The following DGKH variants were observed in gnomAD, a reference collection of about 807,000 sequenced individuals.
The protein encoded by DGKH is DAG kinase eta.
A neutral mutation model predicts 159.3 loss-of-function variants in DGKH; 90 were observed. That is an observed-to-expected ratio of 0.57 (90% CI 0.48 to 0.67). DGKH has a LOEUF of 0.67. DGKH is among the 30% of genes least tolerant of loss of function. The pLI is 0.00. For synonymous variants in DGKH, 536 were observed against 553.8 expected (o/e 0.97, Z 0.45); for missense variants, 1,181 against 1,506.1 (o/e 0.78, Z 3.57).
At chr13:42,074,515 T>G (rs1328791819) in intron 1 of DGKH, among the ~76,000 whole-genome samples, 1 of 152,190 alleles carries the variant, frequency 6.6e-6, no homozygotes, top group African/African-American at 2.4e-5. Context: ...TAAGATATGA[T>G]TTGAAAGAAT....
intron 11 of DGKH, among the ~76,000 whole-genome samples, chr13:42,170,892 A>G (rs997104017): frequency 2.0e-5 from 3 of 151,732 alleles, no homozygotes; most frequent in African/African-American, 7.2e-5. Context: ...GCAGTGAGCC[A>G]AGATCATGCC....
chr13:42,159,242 C>CTGTTTT, intron 5 of DGKH, 24 bp from the exon 6 acceptor site: 1 of 159,044 alleles, frequency 6.3e-6, no homozygotes, highest in Non-Finnish European at 1.0e-5. Context: ...AAAGCAGTTG[C>CTGTTTT]TCTTTTTTTT....
intron 3 of DGKH, among the ~76,000 whole-genome samples, chr13:42,149,863 T>C (rs1016911154): frequency 1.3e-5 from 2 of 152,310 alleles, no homozygotes; most frequent in Non-Finnish European, 2.9e-5. Context: ...ACCAGAAAAC[T>C]CTTATTTTTC....
chr13:42,069,572 C>G (rs866660575), intron 1 of DGKH: 3 of 1,586,860 alleles, frequency 1.9e-6, no homozygotes, highest in South Asian at 1.1e-5. Context: ...GATGCTTCCT[C>G]TAGCGCTATC....
chr13:42,175,859 T>C (rs1956589228), intron 12 of DGKH, among the ~76,000 whole-genome samples: 2 of 152,224 alleles, frequency 1.3e-5, no homozygotes, highest in African/African-American at 4.8e-5. Context: ...GTAGACTAAA[T>C]CTTTCTTCTT....
At chr13:42,227,785 C>T (rs1213547069) in intron 29 of DGKH, among the ~76,000 whole-genome samples, 1 of 152,154 alleles carries the variant, frequency 6.6e-6, no homozygotes, top group Non-Finnish European at 1.5e-5. Context: ...TGCTAAAGAA[C>T]TCCAAGAGCT....
chr13:42,210,195 C>G (rs368573480), intron 23 of DGKH, among the ~76,000 whole-genome samples: 1 of 151,748 alleles, frequency 6.6e-6, no homozygotes, highest in African/African-American at 2.4e-5. Flanking sequence ...TGTTTTGAAA[C>G]AGTCCTGCTT....
chr13:42,125,474 T>A (rs1955151740), intron 1 of DGKH, among the ~76,000 whole-genome samples: 1 of 152,188 alleles, frequency 6.6e-6, no homozygotes, highest in South Asian at 2.1e-4. Context: ...GAGACAAAAC[T>A]GAGGCATAGA....
intron 3 of DGKH, among the ~76,000 whole-genome samples, chr13:42,144,888 T>G (rs1250366017): frequency 6.6e-6 from 1 of 152,174 alleles, no homozygotes. Context: ...TAGGATTTAG[T>G]CTAGCCTGGC....
chr13:42,221,058 GTTTTGTATAGTCGGATCC>G (rs1957957528), intron 28 of DGKH, 188 bp from the exon 29 acceptor site: 1 of 564,416 alleles, frequency 1.8e-6, no homozygotes, highest in Non-Finnish European at 2.9e-6. Flanking sequence ...GCAGCAAATG[GTTTTGTATAGTCGGATCC>G]TTGTGTTGAT....
At chr13:42,058,950 T>C (rs1039160231) in intron 1 of DGKH, among the ~76,000 whole-genome samples, 3 of 152,186 alleles carry the variant, frequency 2.0e-5, no homozygotes, top group African/African-American at 4.8e-5. Flanking sequence ...AGCTTTATTG[T>C]GTTAAGTCCC....
intron 17 of DGKH, among the ~76,000 whole-genome samples, chr13:42,196,407 C>T (rs551949641): frequency 6.6e-6 from 1 of 152,154 alleles, no homozygotes; most frequent in Non-Finnish European, 1.5e-5. Context: ...AAACATCCAT[C>T]AGTTGAATGG....
chr13:42,238,004 T>C lies in DGKH; in HGVS notation c.*8816T>C, dbSNP rs1958451863. 1 of 152,202 alleles carries C rather than the reference T, an allele frequency of 6.6e-6. No homozygotes were observed. The highest frequency in any genetic ancestry group is 1.5e-5 in the Non-Finnish European group (1 of 68,022). 9.4% of individuals were successfully genotyped at this position (152,202 alleles called of 1,614,324 possible). A position where few individuals can be genotyped will look rare whatever the true frequency, so the allele number is the denominator to read the frequency against. ...TTCACAATACCTAGAGATGGGAACA[T>C]GGTTTAGGTTTATCCAGTTCTGTAA... On this transcript the variant is annotated 3_prime_UTR_variant, in exon 30 of 30. Coordinates refer to ENST00000337343, the MANE Select transcript of DGKH (RefSeq NM_178009.5).
chr13:42,195,111 AT>A, intron 17 of DGKH, 95 bp downstream of exon 17: 1 of 1,449,180 alleles, frequency 6.9e-7, no homozygotes, highest in Non-Finnish European at 9.3e-7. Flanking sequence ...GTTCTTAAAG[AT>A]AAATATTCTT....
Position 42,053,006 on chromosome 13 carries a change from C to G in DGKH, c.192+4041C>G, listed in dbSNP as rs143923351. ...AGTCTCTAAATTTAGGTAAAACATA[C>G]CTAAACACTAAAAAGATATTCAGAA... On this transcript the variant is annotated intron_variant, in intron 1 of 29. Transcript: ENST00000337343. Among the ~76,000 whole-genome samples, 824 of 152,134 alleles carry G rather than the reference C, an allele frequency of 5.4e-3. 4 individuals are homozygous for G. Among genetic ancestry groups the G allele is most frequent in the Non-Finnish European group, 7.7e-3 (525 of 67,984 alleles).
At chr13:42,219,142 G>A (rs1303798892) in intron 26 of DGKH, 88 bp from the exon 27 acceptor site, 2 of 1,523,926 alleles carry the variant, frequency 1.3e-6, no homozygotes, top group Admixed American at 2.0e-5. Flanking sequence ...GAGTGAGGCT[G>A]TTCACTGTCA....
intron 3 of DGKH, among the ~76,000 whole-genome samples, chr13:42,147,674 G>A (rs1209512649): frequency 6.6e-6 from 1 of 152,092 alleles, no homozygotes; most frequent in African/African-American, 2.4e-5. Flanking sequence ...AACTAATACT[G>A]CTAATTTACA....
chr13:42,105,783 A>G (rs1954740026), intron 1 of DGKH, among the ~76,000 whole-genome samples: 1 of 152,190 alleles, frequency 6.6e-6, no homozygotes, highest in African/African-American at 2.4e-5. Flanking sequence ...TCCTTTCTAG[A>G]TCTTAAATAT....
intron 3 of DGKH, among the ~76,000 whole-genome samples, chr13:42,144,618 C>A (rs1955671481): frequency 6.6e-6 from 1 of 150,576 alleles, no homozygotes; most frequent in African/African-American, 2.5e-5. Context: ...ACCCTGGAGG[C>A]AGAGATTGAG....
Sources: allele counts gnomAD v4.1 joint callset (sites outside exome capture counted in the v4.1 genomes callset), GRCh38; gene constraint gnomAD v4.1.1; transcripts MANE v1.5; gene names NCBI Gene and HGNC (gene_info 2026-07-23, HGNC 2026-07-21).